The following DGKB variants were observed in gnomAD, a reference collection of about 807,000 sequenced individuals.
DGKB encodes the protein diacylglycerol kinase beta.
In DGKB, 67 loss-of-function variants were observed where a neutral mutation model predicts 114.3. The ratio of observed to expected loss-of-function variants is 0.59; its 90% confidence interval spans 0.48 to 0.72. The LOEUF is 0.72. DGKB is among the 30% of genes least tolerant of loss of function. The probability of loss-of-function intolerance (pLI) is 0.00; values close to 1 mark genes in which losing one functional copy is unlikely to be tolerated. For missense variants in DGKB, 907 were observed against 975.2 expected (o/e 0.93, Z 0.93); for synonymous variants, 398 against 323.1 (o/e 1.23, Z -2.49).
intron 21 of DGKB, among the ~76,000 whole-genome samples, chr7:14,464,461 A>G (rs1833548760): frequency 2.6e-5 from 4 of 152,202 alleles, no homozygotes. Flanking sequence ...TAAAGAACAA[A>G]CTGTGTCTAC....
intron 21 of DGKB, among the ~76,000 whole-genome samples, chr7:14,416,564 T>C (rs1248938607): frequency 6.6e-6 from 1 of 152,014 alleles, no homozygotes; most frequent in Non-Finnish European, 1.5e-5. Context: ...TGGGAGGTAA[T>C]TGAATCATGG....
intron 23 of DGKB, among the ~76,000 whole-genome samples, chr7:14,306,053 A>ATT (rs374954499): frequency 3.3e-5 from 5 of 151,800 alleles, no homozygotes; most frequent in African/African-American, 1.2e-4. Context: ...AATCTAAGTG[A>ATT]TTTTTTTTCT....
At position 14,876,395 on chromosome 7, in the gene DGKB, A is replaced by G. The variant is rs546533606; in HGVS notation, c.-188+26197T>C. Reference sequence around the variant, plus strand: ...GAGCCGTAACAAGGCCACAAACATAACACTGCCTGTTGAGTAAAGCTGTTT... The same window carrying G: ...GAGCCGTAACAAGGCCACAAACATAGCACTGCCTGTTGAGTAAAGCTGTTT... On this transcript the variant is annotated intron_variant, in intron 1 of 25. Transcript: ENST00000402815. Among the ~76,000 whole-genome samples, 24 of 152,278 alleles carry G rather than the reference A, an allele frequency of 1.6e-4. No homozygotes were observed. In the South Asian group the frequency reaches 5.0e-3, roughly 32 times the overall value.
chr7:14,316,900 A>T (rs993708854), intron 23 of DGKB, among the ~76,000 whole-genome samples: 1 of 100,896 alleles, frequency 9.9e-6, no homozygotes, highest in African/African-American at 4.6e-5. Context: ...ATACTGGCAA[A>T]CCGAATCCAG....
intron 21 of DGKB, among the ~76,000 whole-genome samples, chr7:14,432,265 A>AT (rs929563329): frequency 1.3e-5 from 2 of 152,204 alleles, no homozygotes; most frequent in African/African-American, 2.4e-5. Context: ...CTATAAAGGG[A>AT]TTTTTTACCT....
chr7:14,166,921 T>A (rs938506716), intron 25 of DGKB, among the ~76,000 whole-genome samples: 39 of 152,032 alleles, frequency 2.6e-4, no homozygotes, highest in African/African-American at 9.4e-4. Context: ...TATTCGTTAA[T>A]CAGGCCAGAC....
intron 8 of DGKB, among the ~76,000 whole-genome samples, chr7:14,695,766 C>T (rs537804254): frequency 6.6e-6 from 1 of 151,938 alleles, no homozygotes; most frequent in East Asian, 1.9e-4. Flanking sequence ...CTCGGCCTCC[C>T]AAAGTGCTCG....
chr7:14,924,989 C>T (rs1344335147), intron 1 of DGKB, among the ~76,000 whole-genome samples: 2 of 152,094 alleles, frequency 1.3e-5, no homozygotes, highest in East Asian at 3.9e-4. Flanking sequence ...CAAATGTTGT[C>T]TTTTTAAATT....
In DGKB at chr7:14,718,538, A is replaced by G. The variant is rs17168360; in HGVS notation, c.466+4T>C. On this transcript the variant is annotated splice_donor_region_variant and intron_variant, in intron 6 of 25. Coordinates refer to ENST00000402815, the MANE Select transcript of DGKB (RefSeq NM_001350709.2). ...ATAAGTAAACAAAATGAAGAAACACATACACTCAAGCTTATCCTCAGGTCT... is the reference window on the plus strand; with the variant it reads ...ATAAGTAAACAAAATGAAGAAACACGTACACTCAAGCTTATCCTCAGGTCT... 1,549 of 1,606,272 alleles carry G rather than the reference A, an allele frequency of 9.6e-4. 15 individuals carry two copies. In the African/African-American group the frequency reaches 0.018, roughly 19 times the overall value.
At chr7:14,896,965 T>G (rs1258601015) in intron 1 of DGKB, among the ~76,000 whole-genome samples, 1 of 151,806 alleles carries the variant, frequency 6.6e-6, no homozygotes, top group African/African-American at 2.4e-5. Flanking sequence ...AAAGAAAGTG[T>G]ATTATAAAGC....
At chr7:14,236,964 A>G (rs1297065677) in intron 23 of DGKB, among the ~76,000 whole-genome samples, 1 of 151,670 alleles carries the variant, frequency 6.6e-6, no homozygotes, top group African/African-American at 2.4e-5. Flanking sequence ...ATTTCTTGGC[A>G]ATGTGGTAGT....
At chr7:14,805,694 A>G (rs1405817049) in intron 2 of DGKB, among the ~76,000 whole-genome samples, 2 of 151,922 alleles carry the variant, frequency 1.3e-5, no homozygotes, top group Non-Finnish European at 2.9e-5. Flanking sequence ...TAAAATATCT[A>G]GTTTATCAAC....
intron 2 of DGKB, among the ~76,000 whole-genome samples, chr7:14,810,788 T>C (rs1184488783): frequency 6.6e-6 from 1 of 152,134 alleles, no homozygotes; most frequent in African/African-American, 2.4e-5. Flanking sequence ...TTTGTATTTT[T>C]GGTAGAGATG....
intron 20 of DGKB, among the ~76,000 whole-genome samples, chr7:14,522,859 A>G (rs999007736): frequency 2.6e-5 from 4 of 152,170 alleles, no homozygotes; most frequent in African/African-American, 9.6e-5. Context: ...TAAAAATAAC[A>G]AAAGTTTAGA....
intron 20 of DGKB, among the ~76,000 whole-genome samples, chr7:14,514,976 C>G (rs1279521318): frequency 6.6e-6 from 1 of 152,038 alleles, no homozygotes. Flanking sequence ...CCCAGGAGGT[C>G]AAGGCTATAG....
At position 14,673,006 on chromosome 7, in the gene DGKB, GA is replaced by G; in HGVS notation, c.1056del (p.His353IlefsTer2). The G allele has an allele frequency of 6.4e-7, 1 of 1,573,178 alleles. No individual in the cohort carries two copies. The highest frequency in any genetic ancestry group is 1.3e-5 in the African/African-American group (1 of 74,282). ...CQITLHNKCASHLKPECDCGP... is the reference protein window; with the variant it reads ...CQITLHNKCAXHLKPECDCGP... ...CCACAGTCACATTCAGGTTTTAGAT[GA>G]GAAGCACATTTATTATGCAGCTAGA... On this transcript the variant is annotated frameshift_variant, in exon 13 of 26. Transcript: ENST00000402815. LOFTEE classifies it high-confidence loss of function.
chr7:14,430,449 G>C (rs1281046289), intron 21 of DGKB, among the ~76,000 whole-genome samples: 1 of 152,056 alleles, frequency 6.6e-6, no homozygotes, highest in Non-Finnish European at 1.5e-5. Context: ...ATCATGATTG[G>C]TTAACATGTG....
chr7:14,489,198 T>C (rs1784267035), intron 20 of DGKB, among the ~76,000 whole-genome samples: 1 of 152,204 alleles, frequency 6.6e-6, no homozygotes, highest in South Asian at 2.1e-4. Context: ...CCTTATTTCA[T>C]AGTTTCCATT....
chr7:14,498,692 T>TAC (rs538640705), intron 20 of DGKB, among the ~76,000 whole-genome samples: 142 of 151,876 alleles, frequency 9.3e-4, no homozygotes, highest in African/African-American at 3.3e-3. Context: ...GTAGTAGTAG[T>TAC]ACACTTTTTG....
Sources: gnomAD v4.1 joint callset for allele counts (sites outside exome capture counted in the v4.1 genomes callset) on GRCh38, gnomAD v4.1.1 for gene constraint, MANE v1.5 for transcripts, NCBI Gene and HGNC (gene_info 2026-07-23, HGNC 2026-07-21) for gene names.